Variants in ANAPC5 observed in about 807,000 individuals in gnomAD.
ANAPC5 encodes anaphase-promoting complex subunit 5.
A neutral mutation model predicts 91.3 loss-of-function variants in ANAPC5; 60 were observed. That is an observed-to-expected ratio of 0.66 (90% CI 0.53 to 0.81). The LOEUF (loss-of-function observed/expected upper bound fraction) is 0.81, where lower values mean the gene tolerates loss of function less well. ANAPC5 is among the 40% of genes least tolerant of loss of function. The probability of loss-of-function intolerance (pLI) is 0.00; values close to 1 mark genes in which losing one functional copy is unlikely to be tolerated. For synonymous variants in ANAPC5, 340 were observed against 364.1 expected, an observed-to-expected ratio of 0.93 and a Z score of 0.75; for missense variants, 690 against 931.5, an observed-to-expected ratio of 0.74 and a Z score of 3.37.
chr12:121,331,631 T>C, intron 7 of ANAPC5: 1 of 391,568 alleles, frequency 2.6e-6, no homozygotes, highest in Non-Finnish European at 4.8e-6. Flanking sequence ...GACATGTCTC[T>C]TCTAAGGGGA....
At chr12:121,348,096 G>A (rs1903741554) in intron 1 of ANAPC5, among the ~76,000 whole-genome samples, 1 of 152,144 alleles carries the variant, frequency 6.6e-6, no homozygotes, top group Admixed American at 6.5e-5. Flanking sequence ...TAGAAAAAAA[G>A]CATAGGATTT....
At chr12:121,352,476 T>A, upstream of ANAPC5, 1 of 711,204 alleles carries the variant, frequency 1.4e-6, no homozygotes, top group Non-Finnish European at 2.3e-6. Context: ...CTCGCGGCAT[T>A]TGTTAACCAA....
At position 121,345,985 on chromosome 12, in the gene ANAPC5, G is replaced by A. The variant is rs1369246072; in HGVS notation, c.444C>T (p.Phe148=). 9.3e-6 allele frequency: 15 copies of A among 1,610,894 alleles called. No individual in the cohort carries two copies. Among genetic ancestry groups the A allele is most frequent in the African/African-American group, 4.0e-5 (3 of 74,880 alleles). ...HMILAYSKLS[F]SQVFKLYTAL... ...CAGTGTACAGTTTAAACACTTGGCT[G>A]AAAGAAAGCTTACTGTAGGCCAAGA... The change falls in exon 4 of 17, where the codon TTC becomes TTT. Residue 148 remains phenylalanine (F), a synonymous_variant. Transcript: ENST00000261819.
intron 4 of ANAPC5, among the ~76,000 whole-genome samples, chr12:121,343,436 G>C (rs1180777965): frequency 6.6e-6 from 1 of 152,156 alleles, no homozygotes; most frequent in African/African-American, 2.4e-5. Flanking sequence ...CCATTTTGCA[G>C]ATAAAGAGCT....
intron 5 of ANAPC5, among the ~76,000 whole-genome samples, chr12:121,340,162 CA>C (rs1194689114): frequency 2.0e-5 from 3 of 151,194 alleles, no homozygotes; most frequent in Admixed American, 6.6e-5. Context: ...ACTAAAAACA[CA>C]AAAAATTAGG....
chr12:121,321,532 C>G (rs866023408), intron 11 of ANAPC5, among the ~76,000 whole-genome samples: 122 of 120,446 alleles, frequency 1.0e-3, no homozygotes, highest in Middle Eastern at 9.1e-3. Context: ...ATACAAAATC[C>G]TTTTTTTTTT....
intron 16 of ANAPC5, among the ~76,000 whole-genome samples, chr12:121,309,143 T>A: frequency 1.4e-5 from 1 of 73,792 alleles, no homozygotes; most frequent in Non-Finnish European, 2.3e-5. Flanking sequence ...AGTGACTCCA[T>A]CTCAAAAAAA....
Position 121,335,660 on chromosome 12 carries a change from G to A in ANAPC5, c.823C>T (p.Leu275Phe). The change falls in exon 7 of 17, where the codon CTC becomes TTC. Residue 275 changes from leucine (L) to phenylalanine (F), a missense_variant. Leu to Phe is a conservative substitution (Grantham distance 22, BLOSUM62 0). Coordinates refer to ENST00000261819, the MANE Select transcript of ANAPC5 (RefSeq NM_016237.5). ...AGAATCAGACGATCAAAATAATGGA[G>A]GAGACTGTGTGTTGAACTGAAAACA... is the stretch of plus-strand genomic sequence containing the variant. ...QDVFSSTHSL[L>F]HYFDRLILTG... The A allele has an allele frequency of 6.2e-7, 1 of 1,613,968 alleles. No individual in the cohort carries two copies. The highest frequency in any genetic ancestry group is 8.5e-7 in the Non-Finnish European group (1 of 1,179,834).
At chr12:121,320,688 C>G in intron 11 of ANAPC5, 1 of 325,754 alleles carries the variant, frequency 3.1e-6, no homozygotes, top group Non-Finnish European at 5.7e-6. Context: ...TTGCAAGCTC[C>G]GCTTCCCGGG....
chr12:121,319,237 CTT>C (rs71790112), intron 13 of ANAPC5, among the ~76,000 whole-genome samples: 20 of 141,818 alleles, frequency 1.4e-4, no homozygotes, highest in African/African-American at 3.1e-4. Flanking sequence ...TCTGTATTTT[CTT>C]TTTTTTTTTT....
intron 11 of ANAPC5, among the ~76,000 whole-genome samples, chr12:121,321,702 T>C (rs1902616608): frequency 6.6e-6 from 1 of 151,952 alleles, no homozygotes; most frequent in Non-Finnish European, 1.5e-5. Context: ...CATGCTCAGC[T>C]AATTTTTGTA....
intron 1 of ANAPC5, among the ~76,000 whole-genome samples, chr12:121,351,908 G>A (rs542574149): frequency 6.6e-6 from 1 of 151,530 alleles, no homozygotes; most frequent in African/African-American, 2.4e-5. Flanking sequence ...AAATACTGGA[G>A]CCAGACATGA....
chr12:121,312,626 G>A (rs1188010129), intron 15 of ANAPC5, among the ~76,000 whole-genome samples: 1 of 149,532 alleles, frequency 6.7e-6, no homozygotes, highest in African/African-American at 2.5e-5. Context: ...AGAATCACTT[G>A]AGCCTGGGAG....
chr12:121,323,545 T>C (rs985868492), intron 11 of ANAPC5, among the ~76,000 whole-genome samples: 6 of 152,186 alleles, frequency 3.9e-5, no homozygotes, highest in Non-Finnish European at 8.8e-5. Context: ...TTGCATAGGC[T>C]GGTCTCAAAC....
In ANAPC5 at chr12:121,319,114, A is replaced by ACAC. The variant is rs1566181958; in HGVS notation, c.1638-507_1638-506insGTG. Among the ~76,000 whole-genome samples the ACAC allele has an allele frequency of 9.7e-3, 1,114 of 114,636 alleles. 14 individuals carry two copies. The highest frequency in any genetic ancestry group is 0.055 in the African/African-American group (1,035 of 18,952). The allele number at this position is 114,636 out of a possible 152,430, so 75.2% of individuals were successfully genotyped here. A position where few individuals can be genotyped will look rare whatever the true frequency, so the allele number is the denominator to read the frequency against. The stretch of plus-strand genomic sequence containing the variant: ...TATGTGAGCATGCTGTGTATACACA[A>ACAC]ACACACACACACACACACACACACA... On this transcript the variant is annotated intron_variant, in intron 13 of 16. Coordinates refer to ENST00000261819, the MANE Select transcript of ANAPC5 (RefSeq NM_016237.5).
rs989197230 is a variant in ANAPC5, at chr12:121,336,267, C to T, written c.760-544G>A. 1.5e-4 allele frequency among the ~76,000 whole-genome samples: 23 copies of T among 151,792 alleles called. No individual in the cohort carries two copies. The East Asian group carries it at 3.7e-3, about 24-fold the overall frequency. On this transcript the variant is annotated intron_variant, in intron 6 of 16. Coordinates refer to ENST00000261819, the MANE Select transcript of ANAPC5 (RefSeq NM_016237.5). ...TGCACCCAAAGTCAGATGGAAAATC[C>T]AAATACTATTTAAGAAAATTTTCCG... is the stretch of plus-strand genomic sequence containing the variant.
rs1555275464 is a variant in ANAPC5, at chr12:121,352,191, G to C, written c.150C>G (p.Gly50=). The C allele has an allele frequency of 4.3e-6, 7 of 1,613,568 alleles. No individual in the cohort carries two copies. The Middle Eastern group carries it at 4.9e-4, about 114-fold the overall frequency. The change falls in exon 1 of 17, where the codon GGC becomes GGG. Residue 50 remains glycine (G), a synonymous_variant. Transcript: ENST00000261819. ...LLNEMSRTGE[G]AVSLMERRRL... is the part of the protein sequence containing the mutation. Reference sequence around the variant, plus strand: ...TCCGCCGCTCCATGAGGCTGACGGCGCCCTCGCCTGTGCGGCTCATCTCGT... The same window carrying C: ...TCCGCCGCTCCATGAGGCTGACGGCCCCCTCGCCTGTGCGGCTCATCTCGT...
chr12:121,343,459 A>G (rs1343040982), intron 4 of ANAPC5, among the ~76,000 whole-genome samples: 2 of 152,206 alleles, frequency 1.3e-5, no homozygotes, highest in Non-Finnish European at 2.9e-5. Flanking sequence ...AAGCACAGAA[A>G]GGGTGAATAA....
intron 5 of ANAPC5, among the ~76,000 whole-genome samples, chr12:121,340,968 A>T (rs1198164793): frequency 6.6e-6 from 1 of 152,318 alleles, no homozygotes; most frequent in East Asian, 1.9e-4. Context: ...CTATGCTGAA[A>T]ATAACACAGA....
Sources: gnomAD v4.1 joint callset for allele counts (sites outside exome capture counted in the v4.1 genomes callset) on GRCh38, gnomAD v4.1.1 for gene constraint, MANE v1.5 for transcripts, NCBI Gene and HGNC (gene_info 2026-07-23, HGNC 2026-07-21) for gene names.